MYO10: variants seen among roughly 807,000 people sequenced by gnomAD.
MYO10 encodes the protein unconventional myosin-X.
A neutral mutation model predicts 257.3 loss-of-function variants in MYO10; 133 were observed. The ratio of observed to expected loss-of-function variants is 0.52; its 90% CI spans 0.45 to 0.60. The LOEUF (loss-of-function observed/expected upper bound fraction) is 0.60. Among genes scored for constraint, MYO10 ranks in the 20% least tolerant of loss-of-function variants. The probability of loss-of-function intolerance (pLI) is 0.00; values close to 1 mark genes in which losing one functional copy is unlikely to be tolerated. For missense variants in MYO10, 2,399 were observed against 2,635.7 expected (o/e 0.91, Z 1.97); for synonymous variants, 1,104 against 1,028.6 (o/e 1.07, Z -1.40).
At chr5:16,916,451 C>CT (rs1745820495) in intron 1 of MYO10, 1 of 162,482 alleles carries the variant, frequency 6.2e-6, no homozygotes, top group Non-Finnish European at 1.3e-5. Flanking sequence ...AAATTACTTG[C>CT]TTTTTTTCTC....
intron 25 of MYO10, among the ~76,000 whole-genome samples, chr5:16,700,254 G>A (rs1447579087): frequency 6.6e-6 from 1 of 152,110 alleles, no homozygotes; most frequent in Non-Finnish European, 1.5e-5. Flanking sequence ...TTCACCCCTG[G>A]CAAGTCTTGT....
At chr5:16,755,218 T>G (rs904780858) in intron 18 of MYO10, among the ~76,000 whole-genome samples, 1 of 152,228 alleles carries the variant, frequency 6.6e-6, no homozygotes, top group Admixed American at 6.5e-5. Context: ...CAGGCTGGAG[T>G]GCAGTGGCGT....
rs1483487551 is a variant in MYO10, at chr5:16,663,250, TAA to T, written c.*3440_*3441del. ...TTTGAGAGAATATTCAATAAAACAG[TAA>T]AAATAGCTGTTTCTGGGAAAGGAAA... On this transcript the variant is annotated 3_prime_UTR_variant, in exon 41 of 41. Transcript: ENST00000513610. 6.8e-6 allele frequency: 1 copy of T among 146,470 alleles called. No homozygotes were observed. The highest frequency in any genetic ancestry group is 2.5e-5 in the African/African-American group (1 of 39,250). The allele number at this position is 146,470 out of a possible 1,614,324, so 9.1% of individuals were successfully genotyped here.
intron 17 of MYO10, among the ~76,000 whole-genome samples, chr5:16,759,194 A>T (rs1159789771): frequency 6.6e-6 from 1 of 152,068 alleles, no homozygotes; most frequent in East Asian, 1.9e-4. Flanking sequence ...AAGTGTTAGG[A>T]TTATAGGCGT....
At chr5:16,791,948 GC>G (rs1056079977) in intron 4 of MYO10, among the ~76,000 whole-genome samples, 7 of 152,088 alleles carry the variant, frequency 4.6e-5, no homozygotes, top group Admixed American at 1.3e-4. Flanking sequence ...TCGATTAACT[GC>G]AAGCCGTTAT....
At chr5:16,822,573 C>T (rs569828795) in intron 2 of MYO10, among the ~76,000 whole-genome samples, 1 of 152,042 alleles carries the variant, frequency 6.6e-6, no homozygotes, top group East Asian at 1.9e-4. Flanking sequence ...AAGGAGAAAC[C>T]CTAAGGAGGT....
Position 16,685,768 on chromosome 5 carries a change from A to T in MYO10, c.3960T>A (p.His1320Gln). 6 of 1,601,208 alleles carry T rather than the reference A, an allele frequency of 3.7e-6. No individual in the cohort carries two copies. Among genetic ancestry groups the T allele is most frequent in the Non-Finnish European group, 5.1e-6 (6 of 1,176,116 alleles). The change falls in exon 29 of 41, where the codon CAT becomes CAA. Residue 1320 changes from histidine (H) to glutamine (Q), a missense_variant. Transcript: ENST00000513610. Reference protein sequence around the residue: ...ASTDQEIQEMHDEQANPQNAV... With the variant: ...ASTDQEIQEMQDEQANPQNAV... ...CATTCTGTGGGTTTGCCTGCTCATC[A>T]TGCATCTCCTGGATCTCCTGGTCCG...
At chr5:16,823,467 G>GTTTTTT (rs1561003861) in intron 2 of MYO10, among the ~76,000 whole-genome samples, 3 of 3,986 alleles carry the variant, frequency 7.5e-4, no homozygotes, top group Non-Finnish European at 1.7e-3. Flanking sequence ...GGGGAGTGGG[G>GTTTTTT]ATTTTTTTTT....
chr5:16,806,755 A>G (rs1742289319), intron 3 of MYO10, among the ~76,000 whole-genome samples: 1 of 152,152 alleles, frequency 6.6e-6, no homozygotes, highest in African/African-American at 2.4e-5. Flanking sequence ...CACAATCCCA[A>G]TGCAGAAATA....
intron 4 of MYO10, among the ~76,000 whole-genome samples, chr5:16,793,412 C>T (rs954334758): frequency 2.6e-5 from 4 of 152,268 alleles, no homozygotes; most frequent in Admixed American, 6.5e-5. Flanking sequence ...GCAACCTCCA[C>T]CTCCGGGTTA....
At chr5:16,743,385 G>A (rs1278917307) in intron 19 of MYO10, among the ~76,000 whole-genome samples, 1 of 152,108 alleles carries the variant, frequency 6.6e-6, no homozygotes, top group Non-Finnish European at 1.5e-5. Context: ...GCTTACGTCT[G>A]TAATCCCAGC....
rs1741483044 is a variant in MYO10, at chr5:16,783,430, C to A, written c.507G>T (p.Leu169Phe). Residue 169 changes from leucine to phenylalanine, a missense_variant, in exon 5 of 41, where the codon TTG becomes TTT. Around this residue, in one of 3 missense-constraint regions of MYO10, gnomAD observed 242 missense variants for 249.5 expected, o/e 0.97. Coordinates refer to ENST00000513610, the MANE Select transcript of MYO10 (RefSeq NM_012334.3). ...SGAGKTESTK[L>F]ILKFLSVISQ... ...TGATGACTGACAGAAACTTGAGGAT[C>A]AATTTAGTGCTTTCGGTTTTACCTG... 2.5e-6 allele frequency: 4 copies of A among 1,610,848 alleles called. No individual in the cohort carries two copies. In the Admixed American group the frequency reaches 5.0e-5, roughly 20 times the overall value.
At chr5:16,843,713 A>T (rs1370222144) in intron 2 of MYO10, among the ~76,000 whole-genome samples, 3 of 152,222 alleles carry the variant, frequency 2.0e-5, no homozygotes, top group African/African-American at 7.2e-5. Flanking sequence ...AAGTATTTGG[A>T]CTTTAGTAGA....
At chr5:16,908,936 A>G (rs1345710881) in intron 1 of MYO10, among the ~76,000 whole-genome samples, 3 of 152,208 alleles carry the variant, frequency 2.0e-5, no homozygotes, top group Non-Finnish European at 4.4e-5. Flanking sequence ...TAGAGACAGA[A>G]AGCAACTTGG....
chr5:16,703,406 C>T (rs1738177145), intron 22 of MYO10, among the ~76,000 whole-genome samples: 1 of 152,156 alleles, frequency 6.6e-6, no homozygotes, highest in Non-Finnish European at 1.5e-5. Context: ...ACACATAACC[C>T]CTCATGTTGG....
chr5:16,731,601 G>C (rs180685943), intron 19 of MYO10, among the ~76,000 whole-genome samples: 40 of 148,510 alleles, frequency 2.7e-4, no homozygotes, highest in Admixed American at 6.0e-4. Flanking sequence ...CGCCCACCTT[G>C]GCCTCCCAAA....
At chr5:16,844,138 T>G (rs1743562590) in intron 2 of MYO10, among the ~76,000 whole-genome samples, 1 of 152,202 alleles carries the variant, frequency 6.6e-6, no homozygotes, top group South Asian at 2.1e-4. Context: ...TCTGTTTCAT[T>G]TTTCCATTCA....
intron 17 of MYO10, among the ~76,000 whole-genome samples, chr5:16,760,391 G>A (rs1236558022): frequency 6.6e-6 from 1 of 151,050 alleles, no homozygotes; most frequent in African/African-American, 2.4e-5. Context: ...AACCTGGGAG[G>A]TGGAGGTTGC....
chr5:16,715,261 A>G (rs920996650), intron 19 of MYO10, among the ~76,000 whole-genome samples: 6 of 151,912 alleles, frequency 3.9e-5, no homozygotes, highest in African/African-American at 1.4e-4. Context: ...AAAAAAAAAT[A>G]AAGATGATCA....
Sources: gnomAD v4.1 joint callset for allele counts (sites outside exome capture counted in the v4.1 genomes callset) on GRCh38, gnomAD v4.1.1 for gene constraint, gnomAD v4.1.1 regional missense constraint, MANE v1.5 for transcripts, NCBI Gene and HGNC (gene_info 2026-07-23, HGNC 2026-07-21) for gene names.